Variants in SCAF8 observed in about 807,000 individuals in gnomAD.
SCAF8 encodes the protein SR-related CTD associated factor 8.
Under a neutral mutation model 140.5 loss-of-function variants are expected in SCAF8, and 23 were observed. The ratio of observed to expected loss-of-function variants is 0.16; its 90% CI spans 0.12 to 0.23. The LOEUF is 0.23. Among genes scored for constraint, SCAF8 ranks in the 10% least tolerant of loss-of-function variants. The pLI is 1.00. For missense variants in SCAF8, 1,397 were observed against 1,555.7 expected (o/e 0.90, Z 1.72); for synonymous variants, 575 against 528.9 (o/e 1.09, Z -1.20).
intron 3 of SCAF8, among the ~76,000 whole-genome samples, chr6:154,780,046 G>A (rs534806621): frequency 1.3e-5 from 2 of 151,992 alleles, no homozygotes; most frequent in Non-Finnish European, 2.9e-5. Flanking sequence ...GTTCCATGCC[G>A]TTTAATCACA....
intron 1 of SCAF8, among the ~76,000 whole-genome samples, chr6:154,735,731 C>T (rs1212260453): frequency 2.0e-5 from 3 of 152,106 alleles, no homozygotes; most frequent in Non-Finnish European, 4.4e-5. Flanking sequence ...CCAGGCTGTT[C>T]TCAAACTCCT....
chr6:154,733,818 G>A lies in SCAF8; in HGVS notation c.-83G>A. Reference sequence around the variant, plus strand: ...AGCGCCCCCTCCTCGCGGCCACGCAGCAGCCCGCGTCTCGCTCTCCCCACC... The same window carrying A: ...AGCGCCCCCTCCTCGCGGCCACGCAACAGCCCGCGTCTCGCTCTCCCCACC... On this transcript the variant is annotated 5_prime_UTR_variant, in exon 1 of 20. Coordinates refer to ENST00000367178, the MANE Select transcript of SCAF8 (RefSeq NM_014892.5). 1 of 1,482,150 alleles carries A rather than the reference G, an allele frequency of 6.7e-7. No homozygotes were observed. Among genetic ancestry groups the A allele is most frequent in the South Asian group, 1.3e-5 (1 of 74,396 alleles). 91.8% of individuals were successfully genotyped at this position (1,482,150 alleles called of 1,614,324 possible).
intron 1 of SCAF8, among the ~76,000 whole-genome samples, chr6:154,772,813 G>A (rs1056426180): frequency 6.6e-6 from 1 of 152,120 alleles, no homozygotes; most frequent in Non-Finnish European, 1.5e-5. Context: ...AGGCTGGAGT[G>A]TAGTAGTGCA....
chr6:154,824,453 AC>A, intron 17 of SCAF8, 75 bp downstream of exon 17: 1 of 1,357,390 alleles, frequency 7.4e-7, no homozygotes, highest in Non-Finnish European at 1.0e-6. Flanking sequence ...AGATTTAAGT[AC>A]CATAGAGCAG....
chr6:154,797,310 C>G (rs1777635565), intron 6 of SCAF8, among the ~76,000 whole-genome samples: 1 of 151,318 alleles, frequency 6.6e-6, no homozygotes, highest in Non-Finnish European at 1.5e-5. Context: ...TTGATGTACT[C>G]CTCTAAATAG....
intron 1 of SCAF8, among the ~76,000 whole-genome samples, chr6:154,734,592 G>A (rs1365801712): frequency 6.6e-6 from 1 of 152,166 alleles, no homozygotes; most frequent in African/African-American, 2.4e-5. Context: ...TGTGCATCGA[G>A]AGATGGAAGA....
intron 1 of SCAF8, among the ~76,000 whole-genome samples, chr6:154,737,936 C>T (rs1451046164): frequency 6.6e-6 from 1 of 152,070 alleles, no homozygotes; most frequent in Non-Finnish European, 1.5e-5. Flanking sequence ...TGCTAAGGCT[C>T]AGGTTTTTCC....
intron 12 of SCAF8, among the ~76,000 whole-genome samples, chr6:154,815,026 G>A (rs1487559625): frequency 6.6e-6 from 1 of 152,170 alleles, no homozygotes. Context: ...GGCCGGGTGC[G>A]GTGGCTCACG....
intron 15 of SCAF8, 57 bp downstream of exon 15, chr6:154,820,390 C>T: frequency 1.4e-6 from 2 of 1,452,158 alleles, no homozygotes; most frequent in Non-Finnish European, 9.4e-7. Flanking sequence ...AAGGTTGTAG[C>T]TGAAGTGAAT....
At chr6:154,781,978 ATAAATGACAG>A (rs1441783898) in intron 3 of SCAF8, among the ~76,000 whole-genome samples, 1 of 152,226 alleles carries the variant, frequency 6.6e-6, no homozygotes, top group Non-Finnish European at 1.5e-5. Context: ...TTATGGAGTA[ATAAATGACAG>A]TAAATGAAAA....
chr6:154,780,508 T>G (rs1336050159), intron 3 of SCAF8, among the ~76,000 whole-genome samples: 1 of 152,086 alleles, frequency 6.6e-6, no homozygotes, highest in Admixed American at 6.6e-5. Flanking sequence ...TTTGTCCTAA[T>G]GCTCTCCCTC....
At chr6:154,736,832 T>G (rs950133639) in intron 1 of SCAF8, among the ~76,000 whole-genome samples, 12 of 152,198 alleles carry the variant, frequency 7.9e-5, no homozygotes, top group Non-Finnish European at 8.8e-5. Flanking sequence ...TTCAAAGAAC[T>G]TAAGTCTTGT....
chr6:154,822,238 C>T (rs763312089), intron 15 of SCAF8, 38 bp from the exon 16 acceptor site: 1 of 1,572,692 alleles, frequency 6.4e-7, no homozygotes. Flanking sequence ...AAAAGTTGCA[C>T]CTATCCAAAG....
chr6:154,739,433 TG>T (rs1410950165), intron 1 of SCAF8, among the ~76,000 whole-genome samples: 19 of 152,248 alleles, frequency 1.2e-4, no homozygotes, highest in Admixed American at 1.2e-3. Context: ...TCAGGTCCTT[TG>T]TATAGCTAGT....
chr6:154,780,274 C>T lies in SCAF8; in HGVS notation c.159+2229C>T, dbSNP rs577037640. ...TAAATTGAATCATACAAAATGTAGC[C>T]TTTTGAGATTGACTTATTTTGCCCA... On this transcript the variant is annotated intron_variant, in intron 3 of 19. Coordinates refer to ENST00000367178, the MANE Select transcript of SCAF8 (RefSeq NM_014892.5). 2.6e-5 allele frequency among the ~76,000 whole-genome samples: 4 copies of T among 151,580 alleles called. No individual in the cohort carries two copies. In the East Asian group the frequency reaches 7.7e-4, roughly 29 times the overall value.
chr6:154,790,312 A>T (rs1365976504), intron 4 of SCAF8, among the ~76,000 whole-genome samples: 1 of 152,154 alleles, frequency 6.6e-6, no homozygotes, highest in Admixed American at 6.5e-5. Context: ...ATCAGAAAGT[A>T]TGAAGCAGTC....
At chr6:154,739,407 CAG>C (rs891384569) in intron 1 of SCAF8, among the ~76,000 whole-genome samples, 6 of 152,140 alleles carry the variant, frequency 3.9e-5, no homozygotes, top group African/African-American at 1.4e-4. Flanking sequence ...AAATACCAAT[CAG>C]TGATCTATTT....
intron 3 of SCAF8, among the ~76,000 whole-genome samples, chr6:154,785,838 C>T (rs76673621): frequency 0.015 from 2,253 of 152,206 alleles, 56 homozygotes; most frequent in African/African-American, 0.051. Context: ...TCTCCCTATT[C>T]GTTCTTACCT....
rs1421227811 is a variant in SCAF8 at position 154,831,015 on chromosome 6, A to G, written c.2234A>G (p.Asn745Ser). 5.6e-6 allele frequency: 9 copies of G among 1,613,966 alleles called. No homozygotes were observed. Among genetic ancestry groups the G allele is most frequent in the African/African-American group, 2.7e-5 (2 of 74,932 alleles). The change falls in exon 19 of 20, where the codon AAT becomes AGT. Residue 745 changes from asparagine (N) to serine (S), a missense_variant. Physicochemically the swap from Asn to Ser is conservative, Grantham distance 46 (BLOSUM62 1). Coordinates refer to ENST00000367178, the MANE Select transcript of SCAF8 (RefSeq NM_014892.5). Reference protein sequence around the residue: ...LVIPGGSVASNLATSALPAGN... With the variant: ...LVIPGGSVASSLATSALPAGN... ...ATACCAGGCGGTTCTGTTGCCAGCA[A>G]TCTTGCTACTTCCGCTCTGCCAGCT... is the stretch of plus-strand genomic sequence containing the variant.
Sources: allele counts gnomAD v4.1 joint callset (sites outside exome capture counted in the v4.1 genomes callset), GRCh38; gene constraint gnomAD v4.1.1; transcripts MANE v1.5; gene names NCBI Gene and HGNC (gene_info 2026-07-23, HGNC 2026-07-21).